Variants in CASC3 observed in about 807,000 individuals in gnomAD.
The protein encoded by CASC3 is protein CASC3.
In CASC3, 30 loss-of-function variants were observed where a neutral mutation model predicts 80.5. The observed-to-expected ratio is 0.37, with a 90% CI of 0.28 to 0.51. The LOEUF (loss-of-function observed/expected upper bound fraction) is 0.51. CASC3 is among the 20% of genes least tolerant of loss of function. The pLI is 0.94. For missense variants in CASC3, 824 were observed against 922.2 expected (o/e 0.89, Z 1.38); for synonymous variants, 312 against 333.6 (o/e 0.94, Z 0.70).
chr17:40,169,824 C>T (rs1474312476), intron 13 of CASC3, among the ~76,000 whole-genome samples, 162 bp downstream of exon 13: 1 of 123,702 alleles, frequency 8.1e-6, no homozygotes, highest in Non-Finnish European at 1.6e-5. Flanking sequence ...GGTGCAATCT[C>T]GGCTCACTGC....
rs1386397521 is a variant in CASC3 at position 40,163,778 on chromosome 17, T to C, written c.1083T>C (p.Asp361=). ...SRRLEQTSVR[D]PSPEADAPVL... ...GCCTAGAGCAGACTTCTGTGAGGGA[T>C]CCATCTCCAGAAGCAGATGCTCCAG... Residue 361 remains aspartate (D), a synonymous_variant, in exon 7 of 14, where the codon GAT becomes GAC. Transcript: ENST00000264645. 6.2e-7 allele frequency: 1 copy of C among 1,614,108 alleles called. No individual in the cohort carries two copies. The highest frequency in any genetic ancestry group is 1.3e-5 in the African/African-American group (1 of 75,032).
At chr17:40,167,794 G>C in intron 9 of CASC3, 56 bp from the exon 10 acceptor site, 2 of 1,475,366 alleles carry the variant, frequency 1.4e-6, no homozygotes, top group Non-Finnish European at 1.9e-6. Flanking sequence ...GGAACAAGGA[G>C]ACTTGTCCAT....
chr17:40,151,513 G>A lies in CASC3; in HGVS notation c.297+9906G>A, dbSNP rs562493958. On this transcript the variant is annotated intron_variant, in intron 3 of 13. Coordinates refer to ENST00000264645, the MANE Select transcript of CASC3 (RefSeq NM_007359.5). ...AGGCGTAAGTCACCACGCCTGGCCC[G>A]TAAGACCTTATCTCTATAAAAAATA... 4.5e-4 allele frequency among the ~76,000 whole-genome samples: 68 copies of A among 151,772 alleles called. 1 individual carries two copies. Among genetic ancestry groups the A allele is most frequent in the Non-Finnish European group, 8.5e-4 (58 of 67,904 alleles).
intron 3 of CASC3, among the ~76,000 whole-genome samples, chr17:40,154,899 T>G (rs993548053): frequency 2.8e-4 from 42 of 152,306 alleles, no homozygotes; most frequent in African/African-American, 1.0e-3. Context: ...TTCATTCTTT[T>G]TGTTTTTTGA....
chr17:40,163,033 G>C, intron 6 of CASC3, 132 bp downstream of exon 6: 6 of 592,984 alleles, frequency 1.0e-5, no homozygotes, highest in South Asian at 5.1e-5. Flanking sequence ...CCAGCCTGGG[G>C]AACATAGTGA....
chr17:40,161,418 C>A (rs1470840738), intron 3 of CASC3, among the ~76,000 whole-genome samples: 1 of 152,190 alleles, frequency 6.6e-6, no homozygotes, highest in South Asian at 2.1e-4. Flanking sequence ...CGGTGGCTCA[C>A]GCCTATAAAC....
At chr17:40,144,991 G>T (rs1487435524) in intron 3 of CASC3, among the ~76,000 whole-genome samples, 1 of 151,336 alleles carries the variant, frequency 6.6e-6, no homozygotes, top group African/African-American at 2.4e-5. Context: ...CTCCCGAGTA[G>T]CTGGGATTAT....
Position 40,150,053 on chromosome 17 carries a change from G to T in CASC3, c.297+8446G>T, listed in dbSNP as rs182976047. On this transcript the variant is annotated intron_variant, in intron 3 of 13. Transcript: ENST00000264645. ...AAGAAGTGGGAAGGAAAGGAAGTTA[G>T]CGTTCCTTTCTGTGTTTTGTTTTTG... Among the ~76,000 whole-genome samples, 243 of 152,158 alleles carry T rather than the reference G, an allele frequency of 1.6e-3. 1 individual carries two copies. The highest frequency in any genetic ancestry group is 5.7e-3 in the African/African-American group (235 of 41,490).
rs527509641 is a variant in CASC3 at position 40,171,354 on chromosome 17, A to G, written c.*949A>G. On this transcript the variant is annotated 3_prime_UTR_variant, in exon 14 of 14. Transcript: ENST00000264645. ...TCAGTCTTTTGAGGTAAGTGGAATT[A>G]GAGGGCCTTGCTTCTCTTCTTTCCA... The G allele has an allele frequency of 3.4e-4, 336 of 986,064 alleles. 1 individual carries two copies. In the South Asian group the frequency reaches 0.014, roughly 42 times the overall value. The allele number at this position is 986,064 out of a possible 1,614,324, so 61.1% of individuals were successfully genotyped here.
At chr17:40,158,222 A>C (rs758310561) in intron 3 of CASC3, among the ~76,000 whole-genome samples, 33 of 152,192 alleles carry the variant, frequency 2.2e-4, no homozygotes, top group Non-Finnish European at 4.1e-4. Flanking sequence ...GCAGAAACTT[A>C]GAGTTTGAGA....
Position 40,161,810 on chromosome 17 carries a change from G to A in CASC3, c.355G>A (p.Ala119Thr). Residue 119 changes from alanine (A) to threonine (T), a missense_variant, in exon 4 of 14, where the codon GCT becomes ACT. Around this residue, in one of 3 missense-constraint regions of CASC3, gnomAD observed 201 missense variants for 294.1 expected, o/e 0.68. Transcript: ENST00000264645. ...ENSKVELKSE[A>T]NDAVNSSTKE... ...CTCCAAAGTGGAGCTGAAATCAGAA[G>A]CTAATGATGCTGTTAATTCTTCAAC... 6.2e-7 allele frequency: 1 copy of A among 1,614,170 alleles called. No individual in the cohort carries two copies. Among genetic ancestry groups the A allele is most frequent in the Non-Finnish European group, 8.5e-7 (1 of 1,180,026 alleles).
In CASC3 at chr17:40,165,162, A is replaced by G. The variant is rs1408246678; in HGVS notation, c.1471+996A>G. On this transcript the variant is annotated intron_variant, in intron 7 of 13. Transcript: ENST00000264645. ...ATGGTCTCGATCTCCTGACCTCGTG[A>G]TCCGCCCACCTTGGCCTCCCAGAGT... is the stretch of plus-strand genomic sequence containing the variant. Among the ~76,000 whole-genome samples, 8 of 151,238 alleles carry G rather than the reference A, an allele frequency of 5.3e-5. No individual in the cohort carries two copies. The East Asian group carries it at 5.9e-4, about 11-fold the overall frequency.
At chr17:40,143,821 T>TC (rs1284249955) in intron 3 of CASC3, among the ~76,000 whole-genome samples, 3 of 150,638 alleles carry the variant, frequency 2.0e-5, no homozygotes, top group South Asian at 2.1e-4. Context: ...AGGGCAAGAC[T>TC]CCATCTCAAA....
At chr17:40,141,045 G>A (rs1988700921) in intron 1 of CASC3, 162 bp from the exon 2 acceptor site, 1 of 706,926 alleles carries the variant, frequency 1.4e-6, no homozygotes, top group Non-Finnish European at 2.5e-6. Context: ...GAGGGAAGGA[G>A]ACCAGACCTG....
rs1380678741 is a variant in CASC3 at position 40,171,097 on chromosome 17, TC to T, written c.*695del. On this transcript the variant is annotated 3_prime_UTR_variant, in exon 14 of 14. Coordinates refer to ENST00000264645, the MANE Select transcript of CASC3 (RefSeq NM_007359.5). ...GAAGCATGGCTGTCTGCACAGAGGG[TC>T]CCATTGTGCAGAAAAGCTCAGAGTA... 3 of 985,654 alleles carry T rather than the reference TC, an allele frequency of 3.0e-6. No homozygotes were observed. Among genetic ancestry groups the T allele is most frequent in the Non-Finnish European group, 3.6e-6 (3 of 829,948 alleles). 61.1% of individuals were successfully genotyped at this position (985,654 alleles called of 1,614,324 possible). A position where few individuals can be genotyped will look rare whatever the true frequency, so the allele number is the denominator to read the frequency against.
At chr17:40,157,972 A>C (rs528192592) in intron 3 of CASC3, among the ~76,000 whole-genome samples, 144 of 152,322 alleles carry the variant, frequency 9.5e-4, no homozygotes, top group African/African-American at 3.2e-3. Flanking sequence ...CATTGAGTAG[A>C]CTTCAGAAGA....
At position 40,162,730 on chromosome 17, in the gene CASC3, A is replaced by C; in HGVS notation, c.614A>C (p.Lys205Thr). Residue 205 changes from lysine to threonine, a missense_variant, in exon 6 of 14, where the codon AAG becomes ACG. Around this residue, in one of 3 missense-constraint regions of CASC3, gnomAD observed 201 missense variants for 294.1 expected, o/e 0.68. Transcript: ENST00000264645. ...TTTTCCTTCATTTTATCCAGACCCA[A>C]GGGGCGTCAGCGAAAGCTATGGAAG... is the stretch of plus-strand genomic sequence containing the variant. ...GQTQEEEVRPKGRQRKLWKDE... is the reference protein window; with the variant it reads ...GQTQEEEVRPTGRQRKLWKDE... The C allele has an allele frequency of 6.2e-7, 1 of 1,613,462 alleles. No individual in the cohort carries two copies. The highest frequency in any genetic ancestry group is 2.2e-5 in the East Asian group (1 of 44,882).
At chr17:40,170,247 A>G (rs1989562049) in intron 13 of CASC3, among the ~76,000 whole-genome samples, 200 bp from the exon 14 acceptor site, 1 of 152,210 alleles carries the variant, frequency 6.6e-6, no homozygotes, top group Non-Finnish European at 1.5e-5. Flanking sequence ...GAAAAGGGAA[A>G]TCTAAATTTG....
intron 8 of CASC3, 52 bp downstream of exon 8, chr17:40,166,913 T>G (rs1044282340): frequency 2.3e-6 from 3 of 1,299,426 alleles, no homozygotes; most frequent in Non-Finnish European, 3.2e-6. Context: ...GTTACACAGC[T>G]TGTTCATTGT....
Sources: allele counts gnomAD v4.1 joint callset (sites outside exome capture counted in the v4.1 genomes callset), GRCh38; gene constraint gnomAD v4.1.1; regional missense constraint gnomAD v4.1.1; transcripts MANE v1.5; gene names NCBI Gene and HGNC (gene_info 2026-07-23, HGNC 2026-07-21).